The following SLC24A2 variants were observed in gnomAD, a reference collection of about 807,000 sequenced individuals.
The protein encoded by SLC24A2 is sodium/potassium/calcium exchanger 2.
A neutral mutation model predicts 62.0 loss-of-function variants in SLC24A2; 36 were observed. The ratio of observed to expected loss-of-function variants is 0.58; its 90% CI spans 0.44 to 0.77. The LOEUF is 0.77. Ranked by LOEUF, SLC24A2 falls within the 30% of genes least tolerant of loss-of-function variation. SLC24A2 has a pLI of 0.00. For synonymous variants in SLC24A2, 358 were observed against 294.0 expected (o/e 1.22, Z -2.23); for missense variants, 846 against 817.9 (o/e 1.03, Z -0.42).
At chr9:20,221,222 T>C in the SLC24A2 span, among the ~76,000 whole-genome samples, 22 of 151,948 alleles carry the variant, frequency 1.4e-4, no homozygotes, top group Non-Finnish European at 2.4e-4. Flanking sequence ...GGGGTGCAAT[T>C]TGAAATTGTA....
At position 19,661,856 on chromosome 9, in the gene SLC24A2, G is replaced by A. The variant is rs551137329; in HGVS notation, c.931-39557C>T. ...AGGAAGCCTATCAACCTATGTGAGT[G>A]TAGATTCCTGAAAATATGTTGTTTT... On this transcript the variant is annotated intron_variant, in intron 2 of 10. Transcript: ENST00000341998. Among the ~76,000 whole-genome samples, 7 of 152,312 alleles carry A rather than the reference G, an allele frequency of 4.6e-5. No homozygotes were observed. In the South Asian group the frequency reaches 1.0e-3, roughly 23 times the overall value.
the SLC24A2 span, among the ~76,000 whole-genome samples, chr9:20,163,342 C>A: frequency 3.3e-5 from 5 of 152,148 alleles, no homozygotes; most frequent in South Asian, 1.0e-3. Context: ...CAATAACAGA[C>A]AAACAGAGAG....
the SLC24A2 span, among the ~76,000 whole-genome samples, chr9:20,197,427 C>CA: frequency 1.1e-5 from 1 of 93,160 alleles, no homozygotes; most frequent in South Asian, 4.4e-4. Context: ...CTCTCTCTCT[C>CA]TTTTTTTTTT....
chr9:20,008,851 G>C, the SLC24A2 span, among the ~76,000 whole-genome samples: 965 of 152,260 alleles, frequency 6.3e-3, 3 homozygotes, highest in Admixed American at 0.01. Context: ...CATGCAGAGA[G>C]TGATGTTGGC....
intron 2 of SLC24A2, among the ~76,000 whole-genome samples, chr9:19,649,845 G>C (rs991760035): frequency 5.3e-5 from 8 of 152,166 alleles, no homozygotes; most frequent in Non-Finnish European, 7.4e-5. Flanking sequence ...CACAATATAG[G>C]AGCTATCCCT....
chr9:19,989,519 T>C, the SLC24A2 span, among the ~76,000 whole-genome samples: 1 of 152,210 alleles, frequency 6.6e-6, no homozygotes, highest in East Asian at 1.9e-4. Context: ...TTAAAGTGGA[T>C]GTGAATTCCA....
the SLC24A2 span, among the ~76,000 whole-genome samples, chr9:19,978,265 A>G: frequency 1.3e-5 from 2 of 152,222 alleles, no homozygotes; most frequent in African/African-American, 4.8e-5. Flanking sequence ...TGATCATTCA[A>G]TACCATCTTT....
intron 2 of SLC24A2, among the ~76,000 whole-genome samples, chr9:19,682,483 A>G (rs1819751179): frequency 1.3e-5 from 2 of 152,202 alleles, no homozygotes; most frequent in Non-Finnish European, 2.9e-5. Context: ...TAACTAAAAT[A>G]GTAAAGGGGA....
chr9:19,748,372 A>G (rs1270123475), intron 2 of SLC24A2, among the ~76,000 whole-genome samples: 1 of 152,156 alleles, frequency 6.6e-6, no homozygotes, highest in East Asian at 1.9e-4. Flanking sequence ...AAGATGACAA[A>G]ACATTAATCC....
At chr9:19,534,932 A>C (rs1162684714) in intron 8 of SLC24A2, among the ~76,000 whole-genome samples, 1 of 152,204 alleles carries the variant, frequency 6.6e-6, no homozygotes, top group Non-Finnish European at 1.5e-5. Flanking sequence ...AGGAATTGCC[A>C]CACTGTCTTC....
At chr9:19,764,817 C>G (rs1415312731) in intron 2 of SLC24A2, among the ~76,000 whole-genome samples, 1 of 152,166 alleles carries the variant, frequency 6.6e-6, no homozygotes, top group Non-Finnish European at 1.5e-5. Flanking sequence ...ATTAGGTCCT[C>G]TTGGTCCATA....
At chr9:19,546,562 G>A (rs1294246910) in intron 8 of SLC24A2, among the ~76,000 whole-genome samples, 1 of 152,140 alleles carries the variant, frequency 6.6e-6, no homozygotes, top group Non-Finnish European at 1.5e-5. Flanking sequence ...ATCCCAGGTT[G>A]ACCTCAGACT....
chr9:19,734,784 G>T (rs1301326446), intron 2 of SLC24A2, among the ~76,000 whole-genome samples: 1 of 61,962 alleles, frequency 1.6e-5, no homozygotes, highest in African/African-American at 1.3e-4. Flanking sequence ...ATTTTGGGCT[G>T]AGATGATGGG....
chr9:20,155,404 C>G, the SLC24A2 span, among the ~76,000 whole-genome samples: 1 of 151,658 alleles, frequency 6.6e-6, no homozygotes, highest in African/African-American at 2.4e-5. Flanking sequence ...CTTCCCTTGG[C>G]TGAATTTATA....
intron 2 of SLC24A2, among the ~76,000 whole-genome samples, chr9:19,675,573 G>C (rs1031499747): frequency 1.3e-5 from 2 of 152,108 alleles, no homozygotes; most frequent in African/African-American, 4.8e-5. Flanking sequence ...GGCTAATGGA[G>C]TTATTTTCCC....
At chr9:19,764,451 T>C (rs2118866962) in intron 2 of SLC24A2, among the ~76,000 whole-genome samples, 1 of 152,366 alleles carries the variant, frequency 6.6e-6, no homozygotes, top group Non-Finnish European at 1.5e-5. Flanking sequence ...TGCTGTGAAT[T>C]TCCCTCTAAA....
At chr9:19,526,240 T>C (rs1187755537) in intron 9 of SLC24A2, among the ~76,000 whole-genome samples, 1 of 152,260 alleles carries the variant, frequency 6.6e-6, no homozygotes, top group Non-Finnish European at 1.5e-5. Flanking sequence ...ATTTTGCTTA[T>C]CCATTCATCA....
chr9:19,831,104 G>A, the SLC24A2 span, among the ~76,000 whole-genome samples: 1 of 152,156 alleles, frequency 6.6e-6, no homozygotes, highest in Admixed American at 6.5e-5. Flanking sequence ...TCCCATTCAT[G>A]GGGGTTCTGC....
intron 7 of SLC24A2, among the ~76,000 whole-genome samples, chr9:19,570,055 G>T (rs1835793217): frequency 6.6e-6 from 1 of 152,194 alleles, no homozygotes. Context: ...ATGTTGGGTT[G>T]TGTTTACATT....
Sources: allele counts gnomAD v4.1 joint callset (sites outside exome capture counted in the v4.1 genomes callset), GRCh38; gene constraint gnomAD v4.1.1; transcripts MANE v1.5; gene names NCBI Gene and HGNC (gene_info 2026-07-23, HGNC 2026-07-21).